Variants in WDR90 observed in about 807,000 individuals in gnomAD.
The protein encoded by WDR90 is WD repeat domain 90, also known as WD repeat-containing protein 90.
WDR90 carries 238 observed loss-of-function variants against 195.2 expected under a neutral mutation model. That is an observed-to-expected ratio of 1.22 (90% CI 1.10 to 1.36). WDR90 has a LOEUF of 1.36. Ranked by LOEUF, WDR90 falls within the 40% of genes most tolerant of loss-of-function variation. The pLI is 0.00. For missense variants in WDR90, 2,734 were observed against 2,439.5 expected (o/e 1.12, Z -2.54); for synonymous variants, 1,265 against 1,052.4 (o/e 1.20, Z -3.91).
chr16:656,971 C>A, intron 19 of WDR90, 100 bp downstream of exon 19: 1 of 1,553,286 alleles, frequency 6.4e-7, no homozygotes, highest in Non-Finnish European at 8.7e-7. Flanking sequence ...CTGGCTGGAG[C>A]CCCACCCTTT....
chr16:654,885 C>A, intron 13 of WDR90, 144 bp from the exon 14 acceptor site: 1 of 700,630 alleles, frequency 1.4e-6, no homozygotes, highest in Non-Finnish European at 2.4e-6. Context: ...GGCTGGTTTC[C>A]TTCCACTCTC....
rs370370366 is a variant in WDR90 at position 657,783 on chromosome 16, C to T, written c.2495C>T (p.Ala832Val). ...RVAADMVCPD[A>V]PASPSALAVS... ...ACAGCGGACATGGTATGCCCGGATG[C>T]CCCCGCGAGCCCCAGCGCCCTGGCA... Residue 832 changes from alanine to valine, a missense_variant, in exon 21 of 41, where the codon GCC becomes GTC. Transcript: ENST00000293879. 3.2e-6 allele frequency: 5 copies of T among 1,549,632 alleles called. No individual in the cohort carries two copies. The African/African-American group carries it at 5.5e-5, about 17-fold the overall frequency.
intron 5 of WDR90, 33 bp downstream of exon 5, chr16:650,742 T>G: frequency 6.3e-7 from 1 of 1,594,724 alleles, no homozygotes; most frequent in South Asian, 1.1e-5. Context: ...CCACTCCATA[T>G]CTCACCCATG....
chr16:654,095 A>G, intron 13 of WDR90: 1 of 450,092 alleles, frequency 2.2e-6, no homozygotes, highest in Non-Finnish European at 3.9e-6. Context: ...CGGTTGTAAG[A>G]TTTTCACGTG....
chr16:665,239 C>T (rs1397463460), intron 34 of WDR90: 5 of 341,182 alleles, frequency 1.5e-5, no homozygotes, highest in Non-Finnish European at 2.1e-5. Flanking sequence ...CTGCTAGGGA[C>T]GCACGGCCAC....
intron 7 of WDR90, 144 bp downstream of exon 7, chr16:651,410 G>T: frequency 8.8e-7 from 1 of 1,140,604 alleles, no homozygotes; most frequent in Non-Finnish European, 1.2e-6. Flanking sequence ...TAGGTTGTCC[G>T]AGTTCCCAGA....
Position 660,109 on chromosome 16 carries a change from C to T in WDR90, c.3236C>T (p.Ser1079Phe). 2 of 1,547,750 alleles carry T rather than the reference C, an allele frequency of 1.3e-6. No homozygotes were observed. Among genetic ancestry groups the T allele is most frequent in the East Asian group, 4.8e-5 (2 of 41,252 alleles). ...SGAPRTTYLA[S>F]CKAFTPARVS... ...GCCCCACGCACCACCTACCTGGCTT[C>T]CTGCAAGGCCTTCACGCCTGCCAGG... The change falls in exon 27 of 41, where the codon TCC (serine) becomes TTC (phenylalanine). Residue 1079 changes from serine to phenylalanine, a missense_variant. Transcript: ENST00000293879.
rs1567220633 is a variant in WDR90, at chr16:660,999, CGCCCCCCCCCCCCCCCG to C, written c.3392-47_3392-31del. The C allele has an allele frequency of 2.8e-3, 201 of 72,300 alleles. 17 individuals are homozygous for C. Among genetic ancestry groups the C allele is most frequent in the East Asian group, 5.2e-3 (1 of 192 alleles). The allele number at this position is 72,300 out of a possible 1,614,324, so 4.5% of individuals were successfully genotyped here. A position where few individuals can be genotyped will look rare whatever the true frequency, so the allele number is the denominator to read the frequency against. On this transcript the variant is annotated intron_variant, in intron 28 of 40. Coordinates refer to ENST00000293879, the MANE Select transcript of WDR90 (RefSeq NM_145294.5). Reference sequence around the variant, plus strand: ...TTCGGCCCCTCCCCAGGCCCCTCCCCGCCCCCCCCCCCCCCCGGCCCGGCCTCAGGCCCCGCCCTCTC... The same window carrying C: ...TTCGGCCCCTCCCCAGGCCCCTCCCCGCCCGGCCTCAGGCCCCGCCCTCTC...
At chr16:660,347 C>T (rs776479572) in intron 27 of WDR90, among the ~76,000 whole-genome samples, 186 bp downstream of exon 27, 4 of 152,246 alleles carry the variant, frequency 2.6e-5, no homozygotes, top group African/African-American at 7.2e-5. Context: ...GGCCTCCAGA[C>T]GGGACTCTGT....
At chr16:660,263 G>A (rs961912267) in intron 27 of WDR90, 102 bp downstream of exon 27, 17 of 1,101,064 alleles carry the variant, frequency 1.5e-5, no homozygotes, top group Non-Finnish European at 2.1e-5. Flanking sequence ...GTCGCCAAAG[G>A]TGATGGCTCT....
Position 655,416 on chromosome 16 carries a change from C to T in WDR90, c.1666C>T (p.Leu556=), listed in dbSNP as rs984125940. ...GEHHALQFTD[L]AFKQARDGCP... ...GCACCACGCGCTGCAGTTCACCGAC[C>T]TGGCCTTCAAGCAGGCCCGGGACGG... The change falls in exon 15 of 41, where the codon CTG becomes TTG. Residue 556 remains leucine (L), a synonymous_variant. Coordinates refer to ENST00000293879, the MANE Select transcript of WDR90 (RefSeq NM_145294.5). The T allele has an allele frequency of 1.3e-6, 2 of 1,587,116 alleles. No homozygotes were observed. Among genetic ancestry groups the T allele is most frequent in the Non-Finnish European group, 1.7e-6 (2 of 1,171,184 alleles).
Position 660,645 on chromosome 16 carries a change from C to G in WDR90, c.3322C>G (p.Leu1108Val). The change falls in exon 28 of 41, where the codon CTG (leucine) becomes GTG (valine). Residue 1108 changes from leucine (L) to valine (V), a missense_variant. Leu to Val is a conservative substitution (Grantham distance 32). Transcript: ENST00000293879. The stretch of plus-strand genomic sequence containing the variant: ...CCCGCCTCCCGCCAGCGGTGGGTGG[C>G]TGCGTCTGAAGGCTGTCGTCGGTTA... The part of the protein sequence containing the change: ...TCPPPASGGW[L>V]RLKAVVGYSG... 4 of 1,579,620 alleles carry G rather than the reference C, an allele frequency of 2.5e-6. No homozygotes were observed. Among genetic ancestry groups the G allele is most frequent in the Non-Finnish European group, 2.6e-6 (3 of 1,163,790 alleles).
intron 40 of WDR90, 68 bp from the exon 41 acceptor site, chr16:667,364 T>G: frequency 1.3e-6 from 2 of 1,536,598 alleles, no homozygotes; most frequent in South Asian, 1.2e-5. Flanking sequence ...ACAGTCTGGG[T>G]GGGTTGGGGG....
chr16:662,181 A>G, intron 32 of WDR90, 39 bp from the exon 33 acceptor site: 2 of 1,518,872 alleles, frequency 1.3e-6, no homozygotes, highest in Non-Finnish European at 1.8e-6. Flanking sequence ...GGCCTCTGGG[A>G]AGGCAGCCGT....
In WDR90 at chr16:651,881, G is replaced by C. The variant is rs769789804; in HGVS notation, c.895G>C (p.Glu299Gln). Residue 299 changes from glutamate to glutamine, a missense_variant, in exon 9 of 41, where the codon GAG (glutamate) becomes CAG (glutamine). Glu to Gln is a conservative substitution (Grantham distance 29). Coordinates refer to ENST00000293879, the MANE Select transcript of WDR90 (RefSeq NM_145294.5). ...RPFPEVSLSQ[E>Q]RSDASNADGP... ...CTTCCCGGAGGTCAGCCTGTCCCAA[G>C]AGCGCTCAGACGCCTCCAACGCGGA... is the stretch of plus-strand genomic sequence containing the variant. 1.9e-6 allele frequency: 3 copies of C among 1,610,960 alleles called. No homozygotes were observed. The highest frequency in any genetic ancestry group is 2.5e-6 in the Non-Finnish European group (3 of 1,179,888).
At chr16:651,148 G>A in intron 6 of WDR90, 45 bp downstream of exon 6, 1 of 1,612,984 alleles carries the variant, frequency 6.2e-7, no homozygotes, top group African/African-American at 1.3e-5. Flanking sequence ...GTGGTGGGAG[G>A]GTGGGTGGCC....
Position 649,999 on chromosome 16 carries a change from C to T in WDR90, c.111C>T (p.Thr37=), listed in dbSNP as rs752106062. The T allele has an allele frequency of 8.7e-6, 14 of 1,612,756 alleles. No individual in the cohort carries two copies. Among genetic ancestry groups the T allele is most frequent in the Non-Finnish European group, 1.2e-5 (14 of 1,179,938 alleles). The stretch of plus-strand genomic sequence containing the variant: ...GGCTCCCGCTTCTCCAGGACAAGAC[C>T]CTGAAGGGCGCCGTGTATCGCATTC... ...QGDVAVVTDK[T]LKGAVYRIRG... The change falls in exon 3 of 41, where the codon ACC becomes ACT. Residue 37 remains threonine (T), a synonymous_variant. Coordinates refer to ENST00000293879, the MANE Select transcript of WDR90 (RefSeq NM_145294.5).
rs758784610 is a variant in WDR90 at position 661,508 on chromosome 16, G to A, written c.3673+7G>A. 7 of 1,596,642 alleles carry A rather than the reference G, an allele frequency of 4.4e-6. No individual in the cohort carries two copies. The Admixed American group carries it at 6.8e-5, about 15-fold the overall frequency. ...AGGCTTCTTGTCACACTGGGTCAGT[G>A]GGAGGGAGGGTGGAGGCCAGGGGCT... On this transcript the variant is annotated splice_region_variant and intron_variant, in intron 30 of 40. Coordinates refer to ENST00000293879, the MANE Select transcript of WDR90 (RefSeq NM_145294.5).
intron 21 of WDR90, 34 bp from the exon 22 acceptor site, chr16:658,149 G>C: frequency 6.3e-7 from 1 of 1,591,898 alleles, no homozygotes; most frequent in Non-Finnish European, 8.6e-7. Flanking sequence ...CTGCCCAGGG[G>C]CCCTGACTGT....
Sources: allele counts gnomAD v4.1 joint callset (sites outside exome capture counted in the v4.1 genomes callset), GRCh38; gene constraint gnomAD v4.1.1; transcripts MANE v1.5; gene names NCBI Gene and HGNC (gene_info 2026-07-23, HGNC 2026-07-21).